Variants in LOC128092252 observed in about 807,000 individuals in gnomAD.
the LOC128092252 span, among the ~76,000 whole-genome samples, chr15:50,681,326 C>T: frequency 1.3e-4 from 20 of 150,492 alleles, no homozygotes; most frequent in Middle Eastern, 3.4e-3. Context: ...AGCTAAATGC[C>T]GACACATTAG....
chr15:50,676,595 TGAG>T, the LOC128092252 span, among the ~76,000 whole-genome samples: 1 of 151,688 alleles, frequency 6.6e-6, no homozygotes, highest in Non-Finnish European at 1.5e-5. Context: ...AAAAAAGACT[TGAG>T]GACACTGAAG....
chr15:50,648,972 A>G, the LOC128092252 span: 321 of 981,944 alleles, frequency 3.3e-4, no homozygotes, highest in Non-Finnish European at 4.3e-4. Context: ...ACCGACAAAT[A>G]TAAGCTTTAA....
the LOC128092252 span, among the ~76,000 whole-genome samples, chr15:50,685,000 T>C: frequency 6.6e-6 from 1 of 152,266 alleles, no homozygotes; most frequent in South Asian, 2.1e-4. Flanking sequence ...CTTGTCTTTT[T>C]AGACATAAAC....
the LOC128092252 span, among the ~76,000 whole-genome samples, chr15:50,653,483 G>A: frequency 6.6e-6 from 1 of 152,018 alleles, no homozygotes; most frequent in Admixed American, 6.6e-5. Context: ...GGAGATTCCT[G>A]ACATAAATGT....
chr15:50,682,811 T>C, the LOC128092252 span, among the ~76,000 whole-genome samples: 3,953 of 152,162 alleles, frequency 0.026, 78 homozygotes, highest in Non-Finnish European at 0.039. Flanking sequence ...CTGATTCACA[T>C]AAATGACTCA....
the LOC128092252 span, among the ~76,000 whole-genome samples, chr15:50,670,643 G>A: frequency 6.6e-6 from 1 of 151,990 alleles, no homozygotes; most frequent in African/African-American, 2.4e-5. Flanking sequence ...CACTTTCCCA[G>A]AAAATTCATT....
the LOC128092252 span, among the ~76,000 whole-genome samples, chr15:50,671,936 T>C: frequency 6.6e-6 from 1 of 152,180 alleles, no homozygotes; most frequent in Non-Finnish European, 1.5e-5. Context: ...GTATGGCATA[T>C]ACAACTATGT....
the LOC128092252 span, among the ~76,000 whole-genome samples, chr15:50,679,183 T>C: frequency 7.4e-6 from 1 of 135,212 alleles, no homozygotes; most frequent in Admixed American, 7.4e-5. Flanking sequence ...AAAAAATTTT[T>C]TAATTAGCCA....
the LOC128092252 span, among the ~76,000 whole-genome samples, chr15:50,680,217 G>A: frequency 6.6e-6 from 1 of 151,828 alleles, no homozygotes; most frequent in Non-Finnish European, 1.5e-5. Context: ...CTGGGTGACA[G>A]AGCAAGACTC....
At chr15:50,660,209 A>G in the LOC128092252 span, among the ~76,000 whole-genome samples, 2 of 152,212 alleles carry the variant, frequency 1.3e-5, no homozygotes, top group African/African-American at 2.4e-5. Context: ...AATGATTGGA[A>G]GAGATGTTAA....
the LOC128092252 span, among the ~76,000 whole-genome samples, chr15:50,660,931 G>A: frequency 2.0e-5 from 3 of 150,990 alleles, no homozygotes; most frequent in Non-Finnish European, 4.4e-5. Flanking sequence ...AGTAGAACAG[G>A]TATATAAATT....
At chr15:50,666,801 C>G in the LOC128092252 span, among the ~76,000 whole-genome samples, 53,030 of 151,488 alleles carry the variant, frequency 0.35, 10,452 homozygotes, top group Admixed American at 0.48. Flanking sequence ...AAAACTGTCT[C>G]CAAAAAAAAA....
chr15:50,666,125 A>G, the LOC128092252 span, among the ~76,000 whole-genome samples: 1 of 152,256 alleles, frequency 6.6e-6, no homozygotes, highest in Non-Finnish European at 1.5e-5. Context: ...GATTTTAATA[A>G]AACAGCAAGA....
chr15:50,677,681 G>C, the LOC128092252 span, among the ~76,000 whole-genome samples: 27 of 141,640 alleles, frequency 1.9e-4, no homozygotes, highest in African/African-American at 6.0e-4. Context: ...AGAGCTTGCA[G>C]TGAGCTGAGA....
the LOC128092252 span, among the ~76,000 whole-genome samples, chr15:50,671,044 C>G: frequency 6.6e-6 from 1 of 152,090 alleles, no homozygotes; most frequent in Non-Finnish European, 1.5e-5. Flanking sequence ...TACATTGCCT[C>G]ACATACTATT....
chr15:50,655,985 C>T, the LOC128092252 span, among the ~76,000 whole-genome samples: 1 of 145,838 alleles, frequency 6.9e-6, no homozygotes. Flanking sequence ...CAGGGCAAGA[C>T]TCCATCTCAA....
At chr15:50,669,671 T>C in the LOC128092252 span, among the ~76,000 whole-genome samples, 3,620 of 152,266 alleles carry the variant, frequency 0.024, 137 homozygotes, top group African/African-American at 0.082. Flanking sequence ...AGAACTATGG[T>C]ATACCTGTCA....
At chr15:50,654,616 A>G in the LOC128092252 span, among the ~76,000 whole-genome samples, 1 of 151,534 alleles carries the variant, frequency 6.6e-6, no homozygotes, top group South Asian at 2.1e-4. Context: ...ATGAGAGTGC[A>G]CATGGTGCAT....
At chr15:50,681,259 A>G in the LOC128092252 span, among the ~76,000 whole-genome samples, 27 of 112,898 alleles carry the variant, frequency 2.4e-4, 1 homozygote, top group Admixed American at 2.2e-4. Flanking sequence ...TCAAAAATAA[A>G]TAAATACACA....
Sources: allele counts gnomAD v4.1 joint callset (sites outside exome capture counted in the v4.1 genomes callset), GRCh38; gene constraint gnomAD v4.1.1; transcripts MANE v1.5.